SMIM35: variants seen among roughly 807,000 people sequenced by gnomAD.
The protein encoded by SMIM35 is small integral membrane protein 35, also known as TMPRSS4 antisense RNA 1 (non-protein coding).
At chr11:118,022,574 C>T (rs1165766908) in intron 1 of SMIM35, among the ~76,000 whole-genome samples, 6 of 152,086 alleles carry the variant, frequency 3.9e-5, no homozygotes, top group South Asian at 2.1e-4. Flanking sequence ...ATATTGAAAA[C>T]ACAACATAGC....
intron 1 of SMIM35, among the ~76,000 whole-genome samples, chr11:118,070,928 G>A (rs1314012639): frequency 6.6e-6 from 1 of 152,128 alleles, no homozygotes. Context: ...AGGCATCCTG[G>A]GTTACACCGA....
At chr11:118,042,581 G>A (rs566811752) in intron 1 of SMIM35, among the ~76,000 whole-genome samples, 24 of 152,272 alleles carry the variant, frequency 1.6e-4, no homozygotes, top group Admixed American at 3.3e-4. Flanking sequence ...AAATAGAAGA[G>A]GCTAAACACT....
chr11:118,029,589 T>G (rs1479743123), intron 1 of SMIM35: 3 of 455,288 alleles, frequency 6.6e-6, no homozygotes, highest in African/African-American at 6.0e-5. Flanking sequence ...ACCCCCTGTC[T>G]GCTTCTTATT....
At chr11:118,060,197 G>A (rs1440538155) in intron 1 of SMIM35, among the ~76,000 whole-genome samples, 1 of 152,166 alleles carries the variant, frequency 6.6e-6, no homozygotes, top group Non-Finnish European at 1.5e-5. Context: ...CCCCACCCAT[G>A]TGGCCTGCCT....
intron 1 of SMIM35, chr11:118,029,767 C>T (rs1384657966): frequency 4.4e-6 from 2 of 457,268 alleles, no homozygotes; most frequent in African/African-American, 2.0e-5. Flanking sequence ...CCCCCTTTCC[C>T]AGAGGTCTGA....
intron 4 of SMIM35, among the ~76,000 whole-genome samples, chr11:118,010,273 G>A (rs2058143317): frequency 6.6e-6 from 1 of 152,198 alleles, no homozygotes; most frequent in South Asian, 2.1e-4. Context: ...GGGCACCAGA[G>A]ACACTGCCCT....
At chr11:118,055,885 C>A (rs1349271503) in intron 1 of SMIM35, among the ~76,000 whole-genome samples, 1 of 151,978 alleles carries the variant, frequency 6.6e-6, no homozygotes, top group East Asian at 1.9e-4. Flanking sequence ...AACATGGGGG[C>A]TTGGAGAGCA....
At chr11:118,015,859 C>A (rs552045164) in intron 1 of SMIM35, 50 bp from the exon 2 acceptor site, 15 of 399,384 alleles carry the variant, frequency 3.8e-5, no homozygotes, top group African/African-American at 1.8e-4. Flanking sequence ...TGCATCAACC[C>A]ACCTGCACCA....
At chr11:118,069,330 C>T (rs987944805) in intron 1 of SMIM35, among the ~76,000 whole-genome samples, 3 of 152,170 alleles carry the variant, frequency 2.0e-5, no homozygotes, top group African/African-American at 7.2e-5. Context: ...GCCGGTAGAC[C>T]AGGCCTTAAT....
intron 1 of SMIM35, among the ~76,000 whole-genome samples, chr11:118,061,173 C>T (rs1944389700): frequency 6.6e-6 from 1 of 152,248 alleles, no homozygotes; most frequent in Non-Finnish European, 1.5e-5. Context: ...AGGCTATAGA[C>T]AGGCCAAGGC....
chr11:118,009,170 C>A (rs1196778893), intron 4 of SMIM35, among the ~76,000 whole-genome samples: 5 of 152,012 alleles, frequency 3.3e-5, no homozygotes, highest in African/African-American at 4.8e-5. Flanking sequence ...AGGATGGGGC[C>A]TGGGGAGGAC....
chr11:118,061,046 C>T (rs1342032538), intron 1 of SMIM35, among the ~76,000 whole-genome samples: 1 of 152,194 alleles, frequency 6.6e-6, no homozygotes, highest in African/African-American at 2.4e-5. Flanking sequence ...CCAGAGGCAC[C>T]GCTTCTGCTG....
intron 1 of SMIM35, among the ~76,000 whole-genome samples, chr11:118,063,158 C>T (rs186789866): frequency 2.6e-5 from 4 of 152,212 alleles, no homozygotes; most frequent in East Asian, 1.9e-4. Context: ...CAGCAGCCCT[C>T]GGGGCTGCTC....
chr11:118,004,885 T>A lies in SMIM35; in HGVS notation c.*1525A>T, dbSNP rs2058113739. 6.6e-6 allele frequency: 1 copy of A among 152,130 alleles called. No homozygotes were observed. Among genetic ancestry groups the A allele is most frequent in the Admixed American group, 6.5e-5 (1 of 15,274 alleles). 9.4% of individuals were successfully genotyped at this position (152,130 alleles called of 1,614,324 possible). A position where few individuals can be genotyped will look rare whatever the true frequency, so the allele number is the denominator to read the frequency against. ...CAGCTGAGGGCTCCCTTTAGTAAGT[T>A]GTCTAATCTGTAGAGCTGAGAGGCT... On this transcript the variant is annotated 3_prime_UTR_variant, in exon 5 of 5. Transcript: ENST00000689828.
At chr11:118,071,916 G>A (rs1944577596) in intron 1 of SMIM35, among the ~76,000 whole-genome samples, 2 of 152,208 alleles carry the variant, frequency 1.3e-5, no homozygotes, top group Admixed American at 6.5e-5. Flanking sequence ...CAGCACTGGT[G>A]GCATTGCTGG....
At chr11:118,050,621 A>G (rs1325518802) in intron 1 of SMIM35, among the ~76,000 whole-genome samples, 1 of 152,196 alleles carries the variant, frequency 6.6e-6, no homozygotes, top group Non-Finnish European at 1.5e-5. Context: ...CCTGCCTCAA[A>G]GCCTCCATTT....
At chr11:118,077,907 G>A (rs186629059) in intron 1 of SMIM35, among the ~76,000 whole-genome samples, 172 of 151,208 alleles carry the variant, frequency 1.1e-3, no homozygotes, top group African/African-American at 3.6e-3. Flanking sequence ...CAGCTACTTG[G>A]GAGGCTGAGG....
intron 1 of SMIM35, chr11:118,025,387 T>C: frequency 2.7e-6 from 1 of 372,884 alleles, no homozygotes; most frequent in Non-Finnish European, 5.3e-6. Context: ...TACATTTACA[T>C]TTTAATTTAC....
rs2058169922 is a variant in SMIM35 at position 118,014,722 on chromosome 11, G to A, written c.144C>T (p.Asn48=). 2 of 398,720 alleles carry A rather than the reference G, an allele frequency of 5.0e-6. No individual in the cohort carries two copies. The highest frequency in any genetic ancestry group is 8.8e-6 in the Non-Finnish European group (2 of 226,058). The allele number at this position is 398,720 out of a possible 1,614,324, so 24.7% of individuals were successfully genotyped here. ...YCWEGPNFVF[N]LYQIRNLKDL... is the part of the protein sequence containing the mutation. ...AATTTACTCACCGGATTTGATATAAGTTGAAGACAAAATTAGGCCCTAGGA... is the reference window on the plus strand; with the variant it reads ...AATTTACTCACCGGATTTGATATAAATTGAAGACAAAATTAGGCCCTAGGA... Residue 48 remains asparagine, a synonymous_variant, in exon 3 of 5, where the codon AAC becomes AAT. Coordinates refer to ENST00000689828, the MANE Select transcript of SMIM35 (RefSeq NM_001394165.1).
Sources: allele counts gnomAD v4.1 joint callset (sites outside exome capture counted in the v4.1 genomes callset), GRCh38; gene constraint gnomAD v4.1.1; transcripts MANE v1.5; gene names NCBI Gene and HGNC (gene_info 2026-07-23, HGNC 2026-07-21).